Variants in MFSD8 observed in about 807,000 individuals in gnomAD.
MFSD8 encodes major facilitator superfamily domain containing 8.
Under a neutral mutation model 66.4 loss-of-function variants are expected in MFSD8, and 55 were observed. The ratio of observed to expected loss-of-function variants is 0.83; its 90% confidence interval spans 0.67 to 1.04. The LOEUF is 1.04. Ranked by LOEUF, MFSD8 falls within the 50% of genes least tolerant of loss-of-function variation. The pLI is 0.00. For synonymous variants in MFSD8, 202 were observed against 212.8 expected (o/e 0.95, Z 0.44); for missense variants, 550 against 627.6 (o/e 0.88, Z 1.32).
intron 2 of MFSD8, among the ~76,000 whole-genome samples, chr4:127,952,148 G>A (rs1742086280): frequency 1.3e-5 from 2 of 151,858 alleles, no homozygotes; most frequent in South Asian, 4.2e-4. Context: ...GCTCATGCCT[G>A]TAATCCCAGC....
intron 5 of MFSD8, 32 bp downstream of exon 5, chr4:127,942,013 A>C (rs780042577): frequency 2.0e-6 from 3 of 1,536,072 alleles, no homozygotes; most frequent in African/African-American, 2.7e-5. Flanking sequence ...TCCCAATTCA[A>C]ATTCAAGTAA....
chr4:127,931,608 C>T (rs1211211855), intron 8 of MFSD8, among the ~76,000 whole-genome samples: 2 of 152,172 alleles, frequency 1.3e-5, no homozygotes, highest in African/African-American at 4.8e-5. Context: ...ACACCTGCCT[C>T]AACCTCCCAA....
At chr4:127,954,253 A>G (rs992928738) in intron 2 of MFSD8, among the ~76,000 whole-genome samples, 2 of 152,214 alleles carry the variant, frequency 1.3e-5, no homozygotes, top group African/African-American at 4.8e-5. Flanking sequence ...AGCAATACAA[A>G]TTGAGATTCT....
intron 9 of MFSD8, among the ~76,000 whole-genome samples, chr4:127,926,308 C>T (rs541502020): frequency 5.1e-5 from 1 of 19,592 alleles, no homozygotes; most frequent in African/African-American, 1.7e-4. Context: ...GTCAGGAGAT[C>T]GAGACCATCC....
At chr4:127,958,460 T>G (rs552217267) in intron 1 of MFSD8, among the ~76,000 whole-genome samples, 1 of 151,800 alleles carries the variant, frequency 6.6e-6, no homozygotes, top group African/African-American at 2.4e-5. Flanking sequence ...AAAAGAAACT[T>G]TTTTTTTTCA....
At chr4:127,932,960 C>A in intron 8 of MFSD8, 25 bp downstream of exon 8, 1 of 1,541,720 alleles carries the variant, frequency 6.5e-7, no homozygotes, top group South Asian at 1.1e-5. Context: ...TAATCTGATT[C>A]AGATGAAGAT....
chr4:127,955,697 A>C (rs1285835880), intron 2 of MFSD8, among the ~76,000 whole-genome samples: 1 of 152,108 alleles, frequency 6.6e-6, no homozygotes. Context: ...TTCTGCCTGA[A>C]TGCAGAGAAT....
chr4:127,932,799 T>A (rs892636893), intron 8 of MFSD8, 186 bp downstream of exon 8: 3 of 529,736 alleles, frequency 5.7e-6, no homozygotes, highest in Admixed American at 3.6e-5. Flanking sequence ...TAGTTAAGAT[T>A]ATGGACAAAT....
chr4:127,935,079 T>C (rs1213252210), intron 7 of MFSD8, among the ~76,000 whole-genome samples: 1 of 152,188 alleles, frequency 6.6e-6, no homozygotes, highest in Non-Finnish European at 1.5e-5. Flanking sequence ...TAGTCTGCTA[T>C]ACTTAAAGGG....
intron 3 of MFSD8, among the ~76,000 whole-genome samples, chr4:127,945,122 A>C (rs917593936): frequency 6.6e-6 from 1 of 152,096 alleles, no homozygotes; most frequent in Non-Finnish European, 1.5e-5. Context: ...ACACACTATG[A>C]CTGTACCTGT....
intron 9 of MFSD8, among the ~76,000 whole-genome samples, chr4:127,930,477 G>A (rs1737940496): frequency 6.6e-6 from 1 of 152,058 alleles, no homozygotes; most frequent in Non-Finnish European, 1.5e-5. Flanking sequence ...AGATAAATAA[G>A]AGTCAATTAT....
At chr4:127,937,130 T>C (rs545666017) in intron 7 of MFSD8, among the ~76,000 whole-genome samples, 229 of 152,350 alleles carry the variant, frequency 1.5e-3, no homozygotes, top group Non-Finnish European at 2.9e-3. Flanking sequence ...TGAATCATCA[T>C]GCCATCCTTT....
At chr4:127,937,866 T>C (rs907882177) in intron 7 of MFSD8, among the ~76,000 whole-genome samples, 1 of 152,198 alleles carries the variant, frequency 6.6e-6, no homozygotes, top group Non-Finnish European at 1.5e-5. Context: ...CCTGGTAAAA[T>C]AGTAAAATAA....
At chr4:127,941,635 T>C (rs530805029) in intron 5 of MFSD8, among the ~76,000 whole-genome samples, 27 of 152,218 alleles carry the variant, frequency 1.8e-4, no homozygotes, top group African/African-American at 6.5e-4. Context: ...CTAATTTTTG[T>C]ATTTTTAGTA....
chr4:127,944,657 T>C (rs1740745340), intron 3 of MFSD8, among the ~76,000 whole-genome samples: 1 of 152,106 alleles, frequency 6.6e-6, no homozygotes, highest in South Asian at 2.1e-4. Flanking sequence ...CTATTGTTTA[T>C]TTTTATTTTT....
At chr4:127,965,308 C>T (rs1744907859), upstream of MFSD8, 11 of 756,834 alleles carry the variant, frequency 1.5e-5, no homozygotes, top group Admixed American at 1.3e-4. Context: ...GGCCGGGCAG[C>T]GCAGGGCGAA....
intron 5 of MFSD8, among the ~76,000 whole-genome samples, chr4:127,940,555 T>A (rs1740013571): frequency 6.7e-6 from 1 of 148,912 alleles, no homozygotes; most frequent in Admixed American, 6.7e-5. Flanking sequence ...TGTGTGTATA[T>A]ATTTATTATC....
chr4:127,920,856 G>A lies in MFSD8; in HGVS notation c.1351-20C>T. The stretch of plus-strand genomic sequence containing the variant: ...TACACCCTGTTGGGGGTGAAATGGA[G>A]GACAAGCAGATTGATATTGGGGTTT... On this transcript the variant is annotated intron_variant, in intron 11 of 11. Coordinates refer to ENST00000641686, the MANE Select transcript of MFSD8 (RefSeq NM_001371596.2). The A allele has an allele frequency of 6.2e-7, 1 of 1,609,604 alleles. No homozygotes were observed. The highest frequency in any genetic ancestry group is 8.5e-7 in the Non-Finnish European group (1 of 1,177,646).
In MFSD8 at chr4:127,939,646, A is replaced by G. The variant is rs1739797565; in HGVS notation, c.698+207T>C. 7 of 415,992 alleles carry G rather than the reference A, an allele frequency of 1.7e-5. No homozygotes were observed. In the Admixed American group the frequency reaches 2.1e-4, roughly 12 times the overall value. The allele number at this position is 415,992 out of a possible 1,614,324, so 25.8% of individuals were successfully genotyped here. On this transcript the variant is annotated intron_variant, in intron 6 of 11. Coordinates refer to ENST00000641686, the MANE Select transcript of MFSD8 (RefSeq NM_001371596.2). ...AAAAAAAAAAAACTTTGAATCTTCA[A>G]AGACCTTCCTTTTCTGTTCTCATTT...
Sources: allele counts gnomAD v4.1 joint callset (sites outside exome capture counted in the v4.1 genomes callset), GRCh38; gene constraint gnomAD v4.1.1; transcripts MANE v1.5; gene names NCBI Gene and HGNC (gene_info 2026-07-23, HGNC 2026-07-21).